The following KCNT2 variants were observed in gnomAD, a reference collection of about 807,000 sequenced individuals.
The protein encoded by KCNT2 is potassium channel subfamily T member 2.
A neutral mutation model predicts 153.8 loss-of-function variants in KCNT2; 67 were observed. That is an observed-to-expected ratio of 0.44 (90% confidence interval 0.36 to 0.53). The LOEUF (loss-of-function observed/expected upper bound fraction) is 0.53. KCNT2 is among the 20% of genes least tolerant of loss of function. The pLI, the probability that KCNT2 is intolerant of heterozygous loss-of-function variation, is 0.00. For missense variants in KCNT2, 975 were observed against 1,354.8 expected, an observed-to-expected ratio of 0.72 and a Z score of 4.40; for synonymous variants, 500 against 458.8, an observed-to-expected ratio of 1.09 and a Z score of -1.15.
chr1:196,573,106 C>T (rs1329509480), intron 1 of KCNT2, among the ~76,000 whole-genome samples: 2 of 152,090 alleles, frequency 1.3e-5, no homozygotes, highest in Non-Finnish European at 2.9e-5. Context: ...AAAACATCTG[C>T]TTATCCTTCA....
In KCNT2 at chr1:196,228,349, A is replaced by G. The variant is rs751638403; in HGVS notation, c.3297-14T>C. The G allele has an allele frequency of 1.8e-5, 25 of 1,400,280 alleles. No homozygotes were observed. The highest frequency in any genetic ancestry group is 3.6e-4 in the Middle Eastern group (2 of 5,610). 86.7% of individuals were successfully genotyped at this position (1,400,280 alleles called of 1,614,324 possible). A position where few individuals can be genotyped will look rare whatever the true frequency, so the allele number is the denominator to read the frequency against. On this transcript the variant is annotated splice_polypyrimidine_tract_variant and intron_variant, in intron 27 of 27. Coordinates refer to ENST00000294725, the MANE Select transcript of KCNT2 (RefSeq NM_198503.5). ...CGAATTAAGTATCTAATAAAAGAAA[A>G]CAAAATAAATAACTTTGCAATAGTA...
chr1:196,249,328 AG>A (rs1558064837), intron 26 of KCNT2, among the ~76,000 whole-genome samples: 1 of 152,210 alleles, frequency 6.6e-6, no homozygotes, highest in Non-Finnish European at 1.5e-5. Context: ...AGAGAAAGAA[AG>A]AAAGGTCATT....
intron 8 of KCNT2, among the ~76,000 whole-genome samples, chr1:196,435,131 G>T (rs536688922): frequency 1.2e-5 from 1 of 82,888 alleles, no homozygotes; most frequent in Admixed American, 1.3e-4. Context: ...TTATGTGTGT[G>T]TGTGTATGTA....
chr1:196,403,795 C>T (rs566548255), intron 12 of KCNT2, among the ~76,000 whole-genome samples: 7 of 151,670 alleles, frequency 4.6e-5, no homozygotes, highest in Admixed American at 1.3e-4. Flanking sequence ...TCTGTAGAGT[C>T]ACAAACCTTG....
At chr1:196,449,918 A>C (rs1254852341) in intron 8 of KCNT2, among the ~76,000 whole-genome samples, 7 of 151,810 alleles carry the variant, frequency 4.6e-5, no homozygotes, top group African/African-American at 1.7e-4. Flanking sequence ...GGGTAGGAAA[A>C]TGCTTTTATA....
Position 196,418,066 on chromosome 1 carries a change from T to C in KCNT2, c.1185+4984A>G, listed in dbSNP as rs555941344. Reference sequence around the variant, plus strand: ...AACAGCATGTTGAGTGCTATAATTATATTTCCAATCTTGAATGATCTGTTT... The same window carrying C: ...AACAGCATGTTGAGTGCTATAATTACATTTCCAATCTTGAATGATCTGTTT... On this transcript the variant is annotated intron_variant, in intron 12 of 27. Transcript: ENST00000294725. 7.9e-5 allele frequency among the ~76,000 whole-genome samples: 12 copies of C among 152,290 alleles called. No homozygotes were observed. The South Asian group carries it at 2.3e-3, about 29-fold the overall frequency.
intron 22 of KCNT2, among the ~76,000 whole-genome samples, chr1:196,295,997 G>C (rs1191797396): frequency 6.6e-6 from 1 of 151,818 alleles, no homozygotes; most frequent in African/African-American, 2.4e-5. Flanking sequence ...TTGTTGTTTT[G>C]ATACACCAAA....
intron 22 of KCNT2, among the ~76,000 whole-genome samples, chr1:196,289,795 CTAG>C (rs1660018680): frequency 6.6e-6 from 1 of 152,096 alleles, no homozygotes; most frequent in South Asian, 2.1e-4. Context: ...TATTTCTTTT[CTAG>C]TAGAATTCTG....
chr1:196,289,594 G>A (rs2147910318), intron 22 of KCNT2, among the ~76,000 whole-genome samples: 1 of 152,162 alleles, frequency 6.6e-6, no homozygotes, highest in Non-Finnish European at 1.5e-5. Context: ...AAACGTTCGA[G>A]GTTCACTCAA....
intron 13 of KCNT2, among the ~76,000 whole-genome samples, chr1:196,380,485 A>C (rs1384016313): frequency 6.6e-6 from 1 of 152,198 alleles, no homozygotes; most frequent in African/African-American, 2.4e-5. Context: ...TGTGTGATTT[A>C]AAGTACTAGA....
rs552951436 is a variant in KCNT2 at position 196,366,168 on chromosome 1, T to A, written c.1403+6972A>T. ...TTACTTATTTATTTAATTATTATTT[T>A]TTTTTTTTGAGACAGAGTTTCGCTC... On this transcript the variant is annotated intron_variant, in intron 14 of 27. Transcript: ENST00000294725. 5.5e-3 allele frequency among the ~76,000 whole-genome samples: 833 copies of A among 151,898 alleles called. 5 individuals are homozygous for A. The highest frequency in any genetic ancestry group is 0.018 in the African/African-American group (730 of 41,506).
intron 26 of KCNT2, among the ~76,000 whole-genome samples, chr1:196,256,316 C>A (rs140534737): frequency 1.5e-4 from 23 of 151,960 alleles, no homozygotes; most frequent in Non-Finnish European, 2.5e-4. Flanking sequence ...ATTTTAAACC[C>A]TGAAATCAAT....
At chr1:196,450,874 T>A (rs1308414151) in intron 8 of KCNT2, among the ~76,000 whole-genome samples, 3 of 151,934 alleles carry the variant, frequency 2.0e-5, no homozygotes, top group Non-Finnish European at 4.4e-5. Context: ...ACTCCTCCTC[T>A]GCCTAGCACA....
Position 196,561,672 on chromosome 1 carries a change from A to G in KCNT2, c.95+46543T>C, listed in dbSNP as rs56206834. Among the ~76,000 whole-genome samples, 270 of 34,796 alleles carry G rather than the reference A, an allele frequency of 7.8e-3. 3 individuals carry two copies. The highest frequency in any genetic ancestry group is 0.071 in the Middle Eastern group (1 of 14). The allele number at this position is 34,796 out of a possible 152,430, so 22.8% of individuals were successfully genotyped here. A position where few individuals can be genotyped will look rare whatever the true frequency, so the allele number is the denominator to read the frequency against. On this transcript the variant is annotated intron_variant, in intron 1 of 27. Coordinates refer to ENST00000294725, the MANE Select transcript of KCNT2 (RefSeq NM_198503.5). ...CATCTCAAAAAAAAAAAAAAAAAAA[A>G]AAAAAGAAGAAGAAGAAAGAATAGA...
chr1:196,292,353 C>T (rs1660259746), intron 22 of KCNT2, among the ~76,000 whole-genome samples: 1 of 152,198 alleles, frequency 6.6e-6, no homozygotes, highest in Admixed American at 6.5e-5. Flanking sequence ...AAAAACTCCA[C>T]AGCTAACATT....
intron 12 of KCNT2, among the ~76,000 whole-genome samples, chr1:196,407,970 T>C (rs1054734997): frequency 1.3e-5 from 2 of 151,452 alleles, no homozygotes; most frequent in Non-Finnish European, 3.0e-5. Flanking sequence ...TGTAGGCCTC[T>C]GACCTCTCTT....
chr1:196,459,515 G>T (rs907989036), intron 8 of KCNT2, among the ~76,000 whole-genome samples: 2 of 151,844 alleles, frequency 1.3e-5, no homozygotes, highest in Non-Finnish European at 2.9e-5. Context: ...TAACCAGTTT[G>T]TTTGTATGCT....
intron 2 of KCNT2, among the ~76,000 whole-genome samples, chr1:196,491,289 T>C (rs1572628010): frequency 6.6e-6 from 1 of 151,986 alleles, no homozygotes; most frequent in Non-Finnish European, 1.5e-5. Flanking sequence ...AAACATTAGT[T>C]GCTAACAGTC....
At chr1:196,482,242 T>C (rs1046130158) in intron 4 of KCNT2, 89 bp downstream of exon 4, 3 of 788,644 alleles carry the variant, frequency 3.8e-6, no homozygotes, top group Middle Eastern at 4.5e-4. Flanking sequence ...GACAAACTCA[T>C]TTTGAACATC....
Sources: gnomAD v4.1 joint callset for allele counts (sites outside exome capture counted in the v4.1 genomes callset) on GRCh38, gnomAD v4.1.1 for gene constraint, MANE v1.5 for transcripts, NCBI Gene and HGNC (gene_info 2026-07-23, HGNC 2026-07-21) for gene names.